The following PVALEF variants were observed in gnomAD, a reference collection of about 807,000 sequenced individuals.
PVALEF encodes parvalbumin-like EF-hand-containing protein.
A neutral mutation model predicts 1.2 loss-of-function variants in PVALEF; 2 were observed. The observed-to-expected ratio is 1.68, with a 90% CI of 0.69 to 5.28. The LOEUF (loss-of-function observed/expected upper bound fraction) is 5.28. PVALEF is among the 30% of genes most tolerant of loss of function. The pLI is 0.06. For missense variants in PVALEF, 35 were observed against 17.7 expected (o/e 1.97, Z -1.75); for synonymous variants, 16 against 6.5 (o/e 2.47, Z -2.24).
At position 81,181,287 on chromosome 17, in the gene PVALEF, T is replaced by C. The variant is rs766437499; in HGVS notation, c.61T>C (p.Ser21Pro). The C allele has an allele frequency of 4.0e-5, 28 of 700,654 alleles. No homozygotes were observed. Among genetic ancestry groups the C allele is most frequent in the South Asian group, 3.0e-4 (20 of 66,868 alleles). The allele number at this position is 700,654 out of a possible 1,614,324, so 43.4% of individuals were successfully genotyped here. The change falls in exon 4 of 7, where the codon TCA becomes CCA. Residue 21 changes from serine (S) to proline (P), a missense_variant. Transcript: ENST00000637878. ...GGCCTTGGCCATGGGCACGTCCCTA[T>C]CAGACAAGGACATTGAGCTGCTGCC... is the stretch of plus-strand genomic sequence containing the variant. ...KMALAMGTSL[S>P]DKDIELLPTD... is the part of the protein sequence containing the mutation.
chr17:81,178,687 G>A (rs1049396405), intron 2 of PVALEF, among the ~76,000 whole-genome samples: 2 of 151,882 alleles, frequency 1.3e-5, no homozygotes, highest in African/African-American at 4.8e-5. Flanking sequence ...GCTGGGGGGG[G>A]CAGGGTCCCC....
At chr17:81,166,626 A>G in intron 1 of PVALEF, 51 bp from the exon 2 acceptor site, 1 of 448,504 alleles carries the variant, frequency 2.2e-6, no homozygotes, top group East Asian at 7.0e-5. Context: ...GGAACCCGGG[A>G]GCACACCCAG....
chr17:81,176,347 C>T (rs1434088854), intron 2 of PVALEF, among the ~76,000 whole-genome samples: 5 of 151,846 alleles, frequency 3.3e-5, no homozygotes, highest in African/African-American at 7.3e-5. Context: ...GGTGAAACCC[C>T]GTCTCCACTA....
chr17:81,182,609 C>T (rs374418350), intron 6 of PVALEF, among the ~76,000 whole-genome samples: 3 of 152,236 alleles, frequency 2.0e-5, no homozygotes, highest in East Asian at 1.9e-4. Context: ...CCAGCTGCTC[C>T]GTGCCTCAGT....
chr17:81,180,043 G>A (rs1001182769), intron 3 of PVALEF, among the ~76,000 whole-genome samples: 2 of 152,148 alleles, frequency 1.3e-5, no homozygotes, highest in Non-Finnish European at 2.9e-5. Flanking sequence ...ACTCCAGCCC[G>A]GGCCGCGGAT....
intron 2 of PVALEF, among the ~76,000 whole-genome samples, chr17:81,173,799 C>T (rs942942672): frequency 1.3e-5 from 2 of 152,214 alleles, no homozygotes; most frequent in Non-Finnish European, 2.9e-5. Flanking sequence ...TCCTAACTCA[C>T]TCTATGAGGC....
chr17:81,182,214 G>A (rs1567838751), intron 6 of PVALEF, 133 bp downstream of exon 6: 1 of 396,416 alleles, frequency 2.5e-6, no homozygotes, highest in Non-Finnish European at 4.4e-6. Flanking sequence ...AGGGGTCTGG[G>A]CCGGGAGTCT....
chr17:81,183,112 G>A lies in PVALEF; in HGVS notation c.*101G>A, dbSNP rs970052040. ...TTGGGGCCGGTAAGAGGCGGCAGCC[G>A]TGAGGGTGGACCCAGCTTTTGAAGG... On this transcript the variant is annotated 3_prime_UTR_variant, in exon 7 of 7. Transcript: ENST00000637878. 51 of 398,332 alleles carry A rather than the reference G, an allele frequency of 1.3e-4. No homozygotes were observed. The highest frequency in any genetic ancestry group is 2.3e-4 in the African/African-American group (11 of 48,634). 24.7% of individuals were successfully genotyped at this position (398,332 alleles called of 1,614,324 possible). A position where few individuals can be genotyped will look rare whatever the true frequency, so the allele number is the denominator to read the frequency against.
chr17:81,166,511 G>C (rs1046789553), intron 1 of PVALEF, among the ~76,000 whole-genome samples, 166 bp from the exon 2 acceptor site: 1 of 103,704 alleles, frequency 9.6e-6, no homozygotes, highest in Non-Finnish European at 2.2e-5. Flanking sequence ...GGCGGGGGGG[G>C]GGGAAACGGA....
At chr17:81,176,532 GAA>G (rs2061536146) in intron 2 of PVALEF, among the ~76,000 whole-genome samples, 1 of 151,346 alleles carries the variant, frequency 6.6e-6, no homozygotes, top group South Asian at 2.1e-4. Context: ...CAAAAAAAAG[GAA>G]ACAAAACACA....
intron 2 of PVALEF, among the ~76,000 whole-genome samples, chr17:81,171,578 G>T (rs542794772): frequency 1.3e-5 from 2 of 152,232 alleles, no homozygotes; most frequent in East Asian, 3.9e-4. Context: ...TGCAAGCTCC[G>T]CCTCCTGGGT....
chr17:81,175,910 A>G (rs1460024863), intron 2 of PVALEF, among the ~76,000 whole-genome samples: 5 of 152,192 alleles, frequency 3.3e-5, no homozygotes. Flanking sequence ...GCAACAGAAG[A>G]AAAAAATGGA....
chr17:81,170,458 C>G (rs1429674829), intron 2 of PVALEF, among the ~76,000 whole-genome samples: 1 of 152,038 alleles, frequency 6.6e-6, no homozygotes, highest in Non-Finnish European at 1.5e-5. Context: ...TTGATCACAG[C>G]TGCAAGGACC....
At position 81,181,279 on chromosome 17, in the gene PVALEF, C is replaced by T. The variant is rs192277370; in HGVS notation, c.53C>T (p.Thr18Met). The T allele has an allele frequency of 2.0e-3, 1,437 of 701,412 alleles. 1 individual carries two copies. The highest frequency in any genetic ancestry group is 3.0e-3 in the Non-Finnish European group (1,137 of 384,120). 43.4% of individuals were successfully genotyped at this position (701,412 alleles called of 1,614,324 possible). ...AAGAAGATGGCCTTGGCCATGGGCA[C>T]GTCCCTATCAGACAAGGACATTGAG... ...QMKKMALAMG[T>M]SLSDKDIELL... Residue 18 changes from threonine to methionine, a missense_variant, in exon 4 of 7, where the codon ACG becomes ATG. Thr to Met is a moderately conservative substitution (Grantham distance 81). Transcript: ENST00000637878.
intron 2 of PVALEF, 119 bp downstream of exon 2, chr17:81,166,963 C>T: frequency 3.2e-6 from 1 of 308,470 alleles, no homozygotes; most frequent in Non-Finnish European, 6.5e-6. Flanking sequence ...GGGGCAGGGT[C>T]CCCCCAGCCT....
At chr17:81,170,226 CATGT>C (rs1246170196) in intron 2 of PVALEF, among the ~76,000 whole-genome samples, 2 of 148,826 alleles carry the variant, frequency 1.3e-5, no homozygotes, top group East Asian at 2.0e-4. Context: ...GGTATGTGTG[CATGT>C]ATGTGTACAC....
intron 3 of PVALEF, among the ~76,000 whole-genome samples, chr17:81,180,783 A>G (rs74002094): frequency 0.092 from 14,004 of 152,102 alleles, 864 homozygotes; most frequent in East Asian, 0.17. Context: ...GCCCCACTCG[A>G]GAACACAGGC....
chr17:81,165,880 C>G (rs2061483382), intron 1 of PVALEF, 133 bp downstream of exon 1: 1 of 1,548,238 alleles, frequency 6.5e-7, no homozygotes, highest in Non-Finnish European at 8.7e-7. Context: ...GGCCCAGGGG[C>G]ATCACGTCCG....
intron 2 of PVALEF, among the ~76,000 whole-genome samples, chr17:81,170,072 G>T (rs1490404781): frequency 6.6e-6 from 1 of 151,304 alleles, no homozygotes; most frequent in Non-Finnish European, 1.5e-5. Context: ...GTGTGTATGT[G>T]TGTGCATATG....
Sources: allele counts gnomAD v4.1 joint callset (sites outside exome capture counted in the v4.1 genomes callset), GRCh38; gene constraint gnomAD v4.1.1; transcripts MANE v1.5; gene names NCBI Gene and HGNC (gene_info 2026-07-23, HGNC 2026-07-21).